Variants in SYNPR observed in about 807,000 individuals in gnomAD.
SYNPR encodes the protein synaptoporin.
In SYNPR, 23 loss-of-function variants were observed where a neutral mutation model predicts 32.9. The ratio of observed to expected loss-of-function variants is 0.70; its 90% CI spans 0.50 to 0.99. The LOEUF (loss-of-function observed/expected upper bound fraction) is 0.99, where lower values mean the gene tolerates loss of function less well. SYNPR is among the 50% of genes least tolerant of loss of function. The probability of loss-of-function intolerance (pLI) is 0.00; values close to 1 mark genes in which losing one functional copy is unlikely to be tolerated. For missense variants in SYNPR, 318 were observed against 349.3 expected (o/e 0.91, Z 0.71); for synonymous variants, 146 against 135.9 (o/e 1.07, Z -0.52).
chr3:63,325,982 G>C (rs947847156), intron 2 of SYNPR, among the ~76,000 whole-genome samples: 1 of 151,958 alleles, frequency 6.6e-6, no homozygotes, highest in African/African-American at 2.4e-5. Context: ...ACCAGAAGAT[G>C]AGAAATTGTC....
Position 63,485,392 on chromosome 3 carries a change from G to A in SYNPR, c.209+4436G>A, listed in dbSNP as rs555132658. Among the ~76,000 whole-genome samples, 5 of 151,944 alleles carry A rather than the reference G, an allele frequency of 3.3e-5. No homozygotes were observed. In the East Asian group the frequency reaches 9.7e-4, roughly 29 times the overall value. On this transcript the variant is annotated intron_variant, in intron 3 of 5. Transcript: ENST00000478300. ...CAGAAATAAAATAAAATATAAAAAA[G>A]AAAACTTTATGTATGCTACCATTCA...
chr3:63,550,515 C>T (rs905270039), intron 3 of SYNPR, among the ~76,000 whole-genome samples: 2 of 151,922 alleles, frequency 1.3e-5, no homozygotes, highest in African/African-American at 4.8e-5. Flanking sequence ...CAGATAAGCA[C>T]AATTAACAAT....
Position 63,258,575 on chromosome 3 carries a change from C to T in SYNPR, n.154+5989C>T, listed in dbSNP as rs144360090. 1.8e-3 allele frequency among the ~76,000 whole-genome samples: 280 copies of T among 151,974 alleles called. 7 individuals carry two copies. In the East Asian group the frequency reaches 0.048, roughly 26 times the overall value. ...TCTCTGGGGCATATTCAAAGCAGTGCGTAGAGGGAAATTTATAGCAGTAAA... is the reference window on the plus strand; with the variant it reads ...TCTCTGGGGCATATTCAAAGCAGTGTGTAGAGGGAAATTTATAGCAGTAAA... On this transcript the variant is annotated intron_variant and non_coding_transcript_variant, in intron 2 of 4. Transcript: ENST00000478456.
intron 3 of SYNPR, among the ~76,000 whole-genome samples, chr3:63,553,016 G>A (rs2106823433): frequency 6.6e-6 from 1 of 152,120 alleles, no homozygotes; most frequent in African/African-American, 2.4e-5. Flanking sequence ...ACATGTGCAG[G>A]TGTGTTACAT....
intron 4 of SYNPR, among the ~76,000 whole-genome samples, chr3:63,595,830 TAG>T (rs1161712460): frequency 6.1e-5 from 4 of 65,758 alleles, no homozygotes; most frequent in African/African-American, 2.7e-4. Context: ...TATATATATA[TAG>T]TTATATATAT....
chr3:63,286,293 T>C (rs58942169), intron 2 of SYNPR, among the ~76,000 whole-genome samples: 7,721 of 124,606 alleles, frequency 0.062, 626 homozygotes, highest in African/African-American at 0.22. Flanking sequence ...GGGTTTGTCG[T>C]AGAGGTGTGA....
intron 5 of SYNPR, among the ~76,000 whole-genome samples, chr3:63,610,294 A>G (rs1361867254): frequency 1.3e-5 from 2 of 152,216 alleles, no homozygotes; most frequent in Non-Finnish European, 2.9e-5. Context: ...TTATAAGTGT[A>G]AGAATTTGTT....
chr3:63,502,321 T>C (rs772456032), intron 3 of SYNPR, among the ~76,000 whole-genome samples: 2 of 152,052 alleles, frequency 1.3e-5, no homozygotes, highest in Non-Finnish European at 2.9e-5. Flanking sequence ...GCCACATGCA[T>C]ACCTTCCCCC....
At chr3:63,418,513 G>A (rs2088568763) in intron 2 of SYNPR, among the ~76,000 whole-genome samples, 1 of 152,098 alleles carries the variant, frequency 6.6e-6, no homozygotes, top group Non-Finnish European at 1.5e-5. Context: ...CTAATTTACT[G>A]TATTATTCTG....
chr3:63,204,634 T>G, the SYNPR span, among the ~76,000 whole-genome samples: 9 of 152,154 alleles, frequency 5.9e-5, no homozygotes, highest in Non-Finnish European at 8.8e-5. Flanking sequence ...TTACCTAGAT[T>G]CTTCGCTACC....
chr3:63,459,235 T>C (rs576604050), intron 2 of SYNPR, among the ~76,000 whole-genome samples: 1 of 152,224 alleles, frequency 6.6e-6, no homozygotes, highest in African/African-American at 2.4e-5. Context: ...TGGATTTTCA[T>C]ACCTCAGTGA....
intron 2 of SYNPR, among the ~76,000 whole-genome samples, chr3:63,406,205 TAAA>T (rs112126122): frequency 7.1e-6 from 1 of 141,370 alleles, no homozygotes. Flanking sequence ...AATGCAGCTT[TAAA>T]AAAAAAAAAA....
At chr3:63,351,400 T>C (rs2087507976) in intron 2 of SYNPR, 1 of 152,188 alleles carries the variant, frequency 6.6e-6, no homozygotes, top group Non-Finnish European at 1.5e-5. Flanking sequence ...GAGTGCACCC[T>C]AGTAGGGAAT....
At chr3:63,234,435 G>C (rs1289060457) in intron 1 of SYNPR, among the ~76,000 whole-genome samples, 1 of 152,130 alleles carries the variant, frequency 6.6e-6, no homozygotes, top group African/African-American at 2.4e-5. Context: ...CTGGAGGAAA[G>C]GTTTATAACT....
At chr3:63,563,407 A>G (rs768389734) in intron 4 of SYNPR, among the ~76,000 whole-genome samples, 2 of 152,204 alleles carry the variant, frequency 1.3e-5, no homozygotes, top group Non-Finnish European at 2.9e-5. Context: ...TGCTCAAATA[A>G]TCAAATGCTC....
intron 2 of SYNPR, among the ~76,000 whole-genome samples, chr3:63,345,963 C>A (rs1050193170): frequency 6.6e-6 from 1 of 151,956 alleles, no homozygotes; most frequent in Non-Finnish European, 1.5e-5. Context: ...TACAGGCATG[C>A]GCCACCATGT....
chr3:63,452,099 T>C (rs1167703881), intron 2 of SYNPR: 11 of 702,170 alleles, frequency 1.6e-5, no homozygotes, highest in Non-Finnish European at 2.9e-5. Context: ...GTTTTTTCTC[T>C]GGATCTCTTC....
At position 63,487,063 on chromosome 3, in the gene SYNPR, G is replaced by T. The variant is rs192020296; in HGVS notation, c.209+6107G>T. Among the ~76,000 whole-genome samples, 158 of 152,120 alleles carry T rather than the reference G, an allele frequency of 1.0e-3. 1 individual carries two copies. The highest frequency in any genetic ancestry group is 3.3e-3 in the African/African-American group (136 of 41,494). ...AAACCTTACAACCTTTCTCCTCGAA[G>T]GTTTGGGTAAACTACAAAAACTAGT... On this transcript the variant is annotated intron_variant, in intron 3 of 5. Coordinates refer to ENST00000478300, the MANE Select transcript of SYNPR (RefSeq NM_001130003.2).
intron 2 of SYNPR, among the ~76,000 whole-genome samples, chr3:63,395,416 T>A (rs1234610089): frequency 6.6e-6 from 1 of 152,218 alleles, no homozygotes; most frequent in Non-Finnish European, 1.5e-5. Flanking sequence ...ATAATAACAG[T>A]AACAAAAATG....
Sources: gnomAD v4.1 joint callset for allele counts (sites outside exome capture counted in the v4.1 genomes callset) on GRCh38, gnomAD v4.1.1 for gene constraint, MANE v1.5 for transcripts, NCBI Gene and HGNC (gene_info 2026-07-23, HGNC 2026-07-21) for gene names.